NRG3: variants seen among roughly 807,000 people sequenced by gnomAD.
NRG3 encodes the protein pro-neuregulin-3, membrane-bound isoform.
Under a neutral mutation model 66.9 loss-of-function variants are expected in NRG3, and 31 were observed. That is an observed-to-expected ratio of 0.46 (90% confidence interval 0.35 to 0.63). The LOEUF (loss-of-function observed/expected upper bound fraction) is 0.63. NRG3 is among the 20% of genes least tolerant of loss of function. The pLI, the probability that NRG3 is intolerant of heterozygous loss-of-function variation, is 0.00. For synonymous variants in NRG3, 393 were observed against 359.4 expected, an observed-to-expected ratio of 1.09 and a Z score of -1.06; for missense variants, 910 against 878.9, an observed-to-expected ratio of 1.04 and a Z score of -0.45.
intron 3 of NRG3, among the ~76,000 whole-genome samples, chr10:82,774,298 T>G (rs2059817704): frequency 6.6e-6 from 1 of 152,154 alleles, no homozygotes; most frequent in Non-Finnish European, 1.5e-5. Flanking sequence ...TTGTAAGATG[T>G]TTTTGGAACA....
chr10:82,497,370 A>C (rs1487961083), intron 2 of NRG3, among the ~76,000 whole-genome samples: 1 of 152,138 alleles, frequency 6.6e-6, no homozygotes, highest in Non-Finnish European at 1.5e-5. Context: ...AAATTTTATT[A>C]TTCCCCTGCA....
At chr10:82,298,630 G>T (rs2080214561) in intron 1 of NRG3, among the ~76,000 whole-genome samples, 2 of 151,914 alleles carry the variant, frequency 1.3e-5, no homozygotes, top group African/African-American at 4.8e-5. Context: ...ATTAGATTAT[G>T]CAAATAATTA....
At chr10:82,170,242 G>A (rs1293951111) in intron 1 of NRG3, among the ~76,000 whole-genome samples, 1 of 151,824 alleles carries the variant, frequency 6.6e-6, no homozygotes, top group Non-Finnish European at 1.5e-5. Context: ...CTTTTCTCTT[G>A]TGCAGAAAAA....
intron 3 of NRG3, among the ~76,000 whole-genome samples, chr10:82,816,918 A>G (rs2061733933): frequency 6.6e-6 from 1 of 152,250 alleles, no homozygotes; most frequent in African/African-American, 2.4e-5. Context: ...CATGCCTGAG[A>G]GTGTTCCACT....
chr10:82,193,477 G>A (rs1357504469), intron 1 of NRG3, among the ~76,000 whole-genome samples: 1 of 150,560 alleles, frequency 6.6e-6, no homozygotes, highest in Non-Finnish European at 1.5e-5. Flanking sequence ...TATTCTGACT[G>A]TTGTATAAAA....
chr10:82,546,501 T>C (rs1204724039), intron 2 of NRG3, among the ~76,000 whole-genome samples: 3 of 152,188 alleles, frequency 2.0e-5, no homozygotes, highest in Non-Finnish European at 4.4e-5. Context: ...TGTGTTAATA[T>C]GGAAAAATGT....
chr10:82,087,402 C>G (rs1048523252), intron 1 of NRG3, among the ~76,000 whole-genome samples: 1 of 152,094 alleles, frequency 6.6e-6, no homozygotes, highest in African/African-American at 2.4e-5. Flanking sequence ...TCTCTAATCT[C>G]TGAACTAACT....
chr10:82,237,570 A>AT (rs138746003), intron 1 of NRG3, among the ~76,000 whole-genome samples: 19,003 of 147,816 alleles, frequency 0.13, 1,277 homozygotes, highest in East Asian at 0.23. Flanking sequence ...GACCCAGTGC[A>AT]TTTTTTTTTT....
intron 1 of NRG3, among the ~76,000 whole-genome samples, chr10:81,944,726 G>C (rs539884281): frequency 1.2e-4 from 18 of 152,200 alleles, no homozygotes; most frequent in African/African-American, 4.3e-4. Flanking sequence ...GTCAGAGGGA[G>C]TCAATTTGAA....
At chr10:82,326,883 A>G (rs1443266212) in intron 1 of NRG3, among the ~76,000 whole-genome samples, 1 of 152,188 alleles carries the variant, frequency 6.6e-6, no homozygotes, top group Non-Finnish European at 1.5e-5. Flanking sequence ...TTCTTTTAAA[A>G]AATTGTAATT....
chr10:82,756,455 A>T lies in NRG3; in HGVS notation c.1027+17805A>T, dbSNP rs182576772. The stretch of plus-strand genomic sequence containing the variant: ...TATTCAAATTAAACTTTCCAGTCAG[A>T]TAATATATTCTCCTTAATGTGCCCA... On this transcript the variant is annotated intron_variant, in intron 3 of 8. Coordinates refer to ENST00000372141, the MANE Select transcript of NRG3 (RefSeq NM_001010848.4). Among the ~76,000 whole-genome samples, 8 of 152,242 alleles carry T rather than the reference A, an allele frequency of 5.3e-5. No individual in the cohort carries two copies. In the East Asian group the frequency reaches 1.5e-3, roughly 29 times the overall value.
chr10:82,450,369 C>T (rs2090962725), intron 2 of NRG3, among the ~76,000 whole-genome samples: 1 of 152,166 alleles, frequency 6.6e-6, no homozygotes, highest in Non-Finnish European at 1.5e-5. Flanking sequence ...CCTTTGGTCT[C>T]ATTCTGGCTA....
intron 1 of NRG3, among the ~76,000 whole-genome samples, chr10:82,257,146 A>G (rs2077773566): frequency 6.6e-6 from 1 of 152,242 alleles, no homozygotes; most frequent in Admixed American, 6.5e-5. Context: ...TTTTAAATTT[A>G]TTTTTAAAAC....
At position 82,645,320 on chromosome 10, in the gene NRG3, A is replaced by C. The variant is rs148969117; in HGVS notation, c.954-93257A>C. Among the ~76,000 whole-genome samples the C allele has an allele frequency of 2.8e-4, 42 of 152,298 alleles. No homozygotes were observed. The East Asian group carries it at 6.2e-3, about 22-fold the overall frequency. On this transcript the variant is annotated intron_variant, in intron 2 of 8. Coordinates refer to ENST00000372141, the MANE Select transcript of NRG3 (RefSeq NM_001010848.4). Reference sequence around the variant, plus strand: ...TGTGAGATCATTTGATTTGTGCATGAGATCAAAATACCAGATCAAGTGCAT... The same window carrying C: ...TGTGAGATCATTTGATTTGTGCATGCGATCAAAATACCAGATCAAGTGCAT...
Position 82,498,101 on chromosome 10 carries a change from T to C in NRG3, c.953+139233T>C, listed in dbSNP as rs562332418. ...AATTGAGTTATTTGGTTTTTTTTTTTCTAATGACTTGTGTCAGTTTTTAAA... is the reference window on the plus strand; with the variant it reads ...AATTGAGTTATTTGGTTTTTTTTTTCCTAATGACTTGTGTCAGTTTTTAAA... On this transcript the variant is annotated intron_variant, in intron 2 of 8. Transcript: ENST00000372141. Among the ~76,000 whole-genome samples the C allele has an allele frequency of 4.5e-4, 68 of 152,148 alleles. No homozygotes were observed. The Middle Eastern group carries it at 0.014, about 30-fold the overall frequency.
intron 1 of NRG3, among the ~76,000 whole-genome samples, chr10:82,272,239 T>C (rs957010531): frequency 2.6e-5 from 4 of 151,942 alleles, no homozygotes; most frequent in African/African-American, 4.8e-5. Context: ...AAATGTGAAT[T>C]CTGAGTCCTC....
At chr10:81,905,571 A>T (rs183634146) in intron 1 of NRG3, among the ~76,000 whole-genome samples, 159 of 152,312 alleles carry the variant, frequency 1.0e-3, no homozygotes, top group African/African-American at 3.7e-3. Context: ...CCCTTGGGCA[A>T]TTCAATAGAA....
intron 2 of NRG3, among the ~76,000 whole-genome samples, chr10:82,361,770 G>C (rs2084154879): frequency 6.6e-6 from 1 of 151,996 alleles, no homozygotes; most frequent in Non-Finnish European, 1.5e-5. Context: ...AGTAGTTACT[G>C]GATTTTGTTT....
chr10:82,218,469 A>G (rs1272866141), intron 1 of NRG3, among the ~76,000 whole-genome samples: 1 of 152,058 alleles, frequency 6.6e-6, no homozygotes, highest in Non-Finnish European at 1.5e-5. Flanking sequence ...TGGAGGACAC[A>G]CTCTGTGTTG....
Sources: allele counts gnomAD v4.1 joint callset (sites outside exome capture counted in the v4.1 genomes callset), GRCh38; gene constraint gnomAD v4.1.1; transcripts MANE v1.5; gene names NCBI Gene and HGNC (gene_info 2026-07-23, HGNC 2026-07-21).